Variants in MAP4 observed in about 807,000 individuals in gnomAD.
MAP4 encodes the protein microtubule associated protein 4.
In MAP4, 76 loss-of-function variants were observed where a neutral mutation model predicts 170.2. The ratio of observed to expected loss-of-function variants is 0.45; its 90% confidence interval spans 0.37 to 0.54. MAP4 has a LOEUF of 0.54. MAP4 is among the 20% of genes least tolerant of loss of function. The pLI, the probability that MAP4 is intolerant of heterozygous loss-of-function variation, is 0.00. For synonymous variants in MAP4, 909 were observed against 994.5 expected, an observed-to-expected ratio of 0.91 and a Z score of 1.62; for missense variants, 2,506 against 2,748.0, an observed-to-expected ratio of 0.91 and a Z score of 1.97.
chr3:47,880,465 GTTTTTTT>G (rs3079393), intron 10 of MAP4, among the ~76,000 whole-genome samples: 2 of 106,078 alleles, frequency 1.9e-5, no homozygotes, highest in South Asian at 3.4e-4. Context: ...TCCAATTTCA[GTTTTTTT>G]TTTTTTTTTT....
At position 47,909,042 on chromosome 3, in the gene MAP4, G is replaced by T. The variant is rs769466904; in HGVS notation, c.5379C>A (p.Ser1793=). Residue 1793 remains serine, a synonymous_variant, in exon 9 of 21, where the codon TCC becomes TCA. Coordinates refer to ENST00000683076, the MANE Select transcript of MAP4 (RefSeq NM_001385682.1). ...TTCCCCATGGCAGGTTCATACCAGC[G>T]GACTTCAGTTGCTTATGTCTCTCTT... ...QEQERHKQLK[S]AVCLSSSTVY... is the part of the protein sequence containing the mutation. 35 of 1,611,912 alleles carry T rather than the reference G, an allele frequency of 2.2e-5. No homozygotes were observed. The highest frequency in any genetic ancestry group is 2.8e-5 in the Non-Finnish European group (33 of 1,179,018).
chr3:47,933,587 G>A (rs919957827), intron 3 of MAP4, among the ~76,000 whole-genome samples: 1 of 147,292 alleles, frequency 6.8e-6, no homozygotes, highest in African/African-American at 2.5e-5. Flanking sequence ...ACTGGCATAT[G>A]CCATCCTGCC....
intron 10 of MAP4, among the ~76,000 whole-genome samples, chr3:47,882,640 G>A (rs2152747343): frequency 6.6e-6 from 1 of 152,164 alleles, no homozygotes; most frequent in Non-Finnish European, 1.5e-5. Context: ...GGGTCTCACT[G>A]TGTTGCTCAG....
intron 2 of MAP4, among the ~76,000 whole-genome samples, chr3:47,997,783 G>C (rs905076892): frequency 1.3e-5 from 2 of 151,986 alleles, no homozygotes; most frequent in African/African-American, 4.8e-5. Context: ...GGACATAATA[G>C]ATCCTACAGA....
At chr3:48,055,520 G>C (rs1235464847) in intron 1 of MAP4, among the ~76,000 whole-genome samples, 1 of 146,398 alleles carries the variant, frequency 6.8e-6, no homozygotes, top group Non-Finnish European at 1.5e-5. Context: ...ATGGTGCCCA[G>C]GCTGGAGTGC....
At chr3:48,050,971 C>A (rs1362081874) in intron 1 of MAP4, among the ~76,000 whole-genome samples, 1 of 151,104 alleles carries the variant, frequency 6.6e-6, no homozygotes, top group Non-Finnish European at 1.5e-5. Context: ...CCTCATATAT[C>A]GCGGTACAAA....
At chr3:47,941,319 G>GA (rs914451419) in intron 3 of MAP4, among the ~76,000 whole-genome samples, 1 of 149,680 alleles carries the variant, frequency 6.7e-6, no homozygotes, top group Non-Finnish European at 1.5e-5. Context: ...TAGTTACCTG[G>GA]AAAAAAAACT....
intron 1 of MAP4, among the ~76,000 whole-genome samples, chr3:48,030,412 GA>G (rs1224269986): frequency 6.6e-6 from 1 of 151,406 alleles, no homozygotes; most frequent in Non-Finnish European, 1.5e-5. Flanking sequence ...TTCTAGGACT[GA>G]GAACAAAATA....
In MAP4 at chr3:47,914,896, C is replaced by T. The variant is rs746670311; in HGVS notation, c.1920G>A (p.Glu640=). ...GTGKKCSLPA[E]EDSVLEKLGE... is the part of the protein sequence containing the mutation. ...CTAGTTTTTCTAACACAGAATCCTC[C>T]TCGGCCGGCAAGCTGCACTTTTTCC... The change falls in exon 8 of 21, where the codon GAG becomes GAA. Residue 640 remains glutamate, a synonymous_variant. Transcript: ENST00000683076. 6.2e-7 allele frequency: 1 copy of T among 1,614,112 alleles called. No homozygotes were observed. The highest frequency in any genetic ancestry group is 8.5e-7 in the Non-Finnish European group (1 of 1,180,024).
intron 3 of MAP4, chr3:47,973,249 T>C (rs184011780): frequency 2.9e-4 from 280 of 981,110 alleles, no homozygotes; most frequent in East Asian, 1.8e-3. Flanking sequence ...ATCTTCAACA[T>C]TGGGCCAAAA....
At chr3:47,966,824 G>A (rs1429102509) in intron 3 of MAP4, among the ~76,000 whole-genome samples, 7 of 152,020 alleles carry the variant, frequency 4.6e-5, no homozygotes, top group African/African-American at 9.7e-5. Context: ...TTTCCATTCC[G>A]TTCCTTGATC....
chr3:48,065,929 G>A (rs1473126612), intron 1 of MAP4, among the ~76,000 whole-genome samples: 2 of 151,662 alleles, frequency 1.3e-5, no homozygotes, highest in Non-Finnish European at 2.9e-5. Flanking sequence ...GACAAGCATG[G>A]GCAACATAGT....
chr3:47,893,168 A>G (rs1027207113), intron 10 of MAP4, among the ~76,000 whole-genome samples: 1 of 152,238 alleles, frequency 6.6e-6, no homozygotes, highest in Non-Finnish European at 1.5e-5. Context: ...AAAACCCGTA[A>G]GAGCTCCATC....
chr3:47,933,447 C>CT (rs1366237815), intron 3 of MAP4, among the ~76,000 whole-genome samples: 4 of 151,426 alleles, frequency 2.6e-5, no homozygotes, highest in Non-Finnish European at 5.9e-5. Flanking sequence ...TTTTTTCTTT[C>CT]TTTTTTTTGA....
At position 47,909,649 on chromosome 3, in the gene MAP4, C is replaced by T. The variant is rs2100034926; in HGVS notation, c.4772G>A (p.Arg1591Lys). 1 of 1,613,844 alleles carries T rather than the reference C, an allele frequency of 6.2e-7. No homozygotes were observed. Among genetic ancestry groups the T allele is most frequent in the African/African-American group, 1.3e-5 (1 of 74,916 alleles). ...TCTATCTGCATATCCTTCTAGGGCT[C>T]TGGCCTCTCCTGGTAGGCTCTGGTC... ...VEDQSLPGEA[R>K]ALEGYADRGN... Residue 1591 changes from arginine to lysine, a missense_variant, in exon 9 of 21, where the codon AGA becomes AAA. This residue lies in a region of MAP4 where 2,008 missense variants were observed against 2,206.0 expected (regional missense o/e 0.91). Transcript: ENST00000683076.
intron 1 of MAP4, among the ~76,000 whole-genome samples, chr3:48,009,928 T>A (rs1334787929): frequency 6.6e-6 from 1 of 152,162 alleles, no homozygotes; most frequent in Non-Finnish European, 1.5e-5. Context: ...GGGCTCCTCC[T>A]CCCTTTAAGT....
rs761491128 is a variant in MAP4 at position 47,916,226 on chromosome 3, A to G, written c.1601T>C (p.Val534Ala). 1.2e-6 allele frequency: 2 copies of G among 1,614,230 alleles called. No homozygotes were observed. Among genetic ancestry groups the G allele is most frequent in the South Asian group, 2.2e-5 (2 of 91,084 alleles). Residue 534 changes from valine (V) to alanine (A), a missense_variant, in exon 7 of 21, where the codon GTA (valine) becomes GCA (alanine). This residue lies in a region of MAP4 where 2,008 missense variants were observed against 2,206.0 expected (regional missense o/e 0.91). Coordinates refer to ENST00000683076, the MANE Select transcript of MAP4 (RefSeq NM_001385682.1). ...CACCTCCATTTCTGGAGGCAGACAT[A>G]CGTTCTTGATGAGAACTACTTCTGT... ...PETEVVLIKN[V>A]CLPPEMEVAL...
intron 7 of MAP4, among the ~76,000 whole-genome samples, chr3:47,915,415 C>G (rs1199442019): frequency 6.6e-6 from 1 of 151,920 alleles, no homozygotes; most frequent in Non-Finnish European, 1.5e-5. Context: ...CATGCCCGGT[C>G]AATGTTTCGT....
chr3:47,855,492 T>C lies in MAP4; in HGVS notation c.6584-132A>G. 3 of 662,840 alleles carry C rather than the reference T, an allele frequency of 4.5e-6. No homozygotes were observed. Among genetic ancestry groups the C allele is most frequent in the Admixed American group, 2.2e-5 (1 of 45,026 alleles). The allele number at this position is 662,840 out of a possible 1,614,324, so 41.1% of individuals were successfully genotyped here. On this transcript the variant is annotated intron_variant, in intron 18 of 20. Coordinates refer to ENST00000683076, the MANE Select transcript of MAP4 (RefSeq NM_001385682.1). The surrounding 1 kb of genome is among the most constrained non-coding windows in gnomAD (Gnocchi z 5.1). The stretch of plus-strand genomic sequence containing the variant: ...GTTCTGGGTGGCAAATGAAGAACAG[T>C]GAACACGTTTGTCTAAAGAGGACTT...
Sources: allele counts gnomAD v4.1 joint callset (sites outside exome capture counted in the v4.1 genomes callset), GRCh38; gene constraint gnomAD v4.1.1; regional missense constraint gnomAD v4.1.1; non-coding constraint Gnocchi (gnomAD v3.1); transcripts MANE v1.5; gene names NCBI Gene and HGNC (gene_info 2026-07-23, HGNC 2026-07-21).